The following CDK5RAP2 variants were observed in gnomAD, a reference collection of about 807,000 sequenced individuals.
CDK5RAP2 encodes the protein CDK5 regulatory subunit associated protein 2, also known as CDK5 regulatory subunit-associated protein 2.
In CDK5RAP2, 147 loss-of-function variants were observed where a neutral mutation model predicts 232.9. That is an observed-to-expected ratio of 0.63 (90% CI 0.55 to 0.72). The LOEUF (loss-of-function observed/expected upper bound fraction) is 0.72. CDK5RAP2 is among the 30% of genes least tolerant of loss of function. The pLI is 0.00. For missense variants in CDK5RAP2, 2,195 were observed against 2,231.5 expected, an observed-to-expected ratio of 0.98 and a Z score of 0.33; for synonymous variants, 833 against 833.7, an observed-to-expected ratio of 1.00 and a Z score of 0.01.
Position 120,455,657 on chromosome 9 carries a change from G to A in CDK5RAP2, c.2376-1784C>T, listed in dbSNP as rs114245635. ...ACTCGGGAGGCTGAGGTGGGAGGAC[G>A]GCTTGAACCCAGGAGGCTGCAGTGA... On this transcript the variant is annotated intron_variant, in intron 20 of 37. Transcript: ENST00000349780. 7.3e-3 allele frequency among the ~76,000 whole-genome samples: 1,106 copies of A among 151,868 alleles called. 16 individuals carry two copies. Among genetic ancestry groups the A allele is most frequent in the African/African-American group, 0.024 (975 of 41,382 alleles).
At position 120,448,201 on chromosome 9, in the gene CDK5RAP2, C is replaced by T. The variant is rs79556930; in HGVS notation, c.2794-75G>A. On this transcript the variant is annotated intron_variant, in intron 21 of 37. Coordinates refer to ENST00000349780, the MANE Select transcript of CDK5RAP2 (RefSeq NM_018249.6). ...TGGTTGCACAGTCAACATTCTCATG[C>T]CAGCCTTATAAAACGGAATTCGAAC... is the stretch of plus-strand genomic sequence containing the variant. 7.8e-5 allele frequency: 98 copies of T among 1,258,644 alleles called. No homozygotes were observed. In the African/African-American group the frequency reaches 1.4e-3, roughly 18 times the overall value. The allele number at this position is 1,258,644 out of a possible 1,614,324, so 78.0% of individuals were successfully genotyped here. A position where few individuals can be genotyped will look rare whatever the true frequency, so the allele number is the denominator to read the frequency against.
intron 12 of CDK5RAP2, chr9:120,517,644 G>C (rs1392740591): frequency 2.6e-5 from 4 of 154,132 alleles, no homozygotes; most frequent in Admixed American, 6.4e-5. Flanking sequence ...ATAGAGTACA[G>C]TCATAAAAAA....
chr9:120,449,712 CT>C (rs1172676953), intron 21 of CDK5RAP2, among the ~76,000 whole-genome samples: 1 of 152,174 alleles, frequency 6.6e-6, no homozygotes. Flanking sequence ...AGCAAAAACT[CT>C]GATAGTCACT....
At chr9:120,499,054 G>A (rs1176474828) in intron 12 of CDK5RAP2, among the ~76,000 whole-genome samples, 3 of 152,138 alleles carry the variant, frequency 2.0e-5, no homozygotes, top group Non-Finnish European at 4.4e-5. Context: ...CTTGGATCAT[G>A]ATTTAAACAA....
intron 2 of CDK5RAP2, among the ~76,000 whole-genome samples, chr9:120,569,920 A>G (rs534193536): frequency 1.5e-4 from 23 of 152,126 alleles, no homozygotes; most frequent in Non-Finnish European, 2.6e-4. Flanking sequence ...TCTGATTCCG[A>G]TACTTTAAAA....
chr9:120,443,570 G>T lies in CDK5RAP2; in HGVS notation c.3148+50C>A, dbSNP rs1416955701. On this transcript the variant is annotated intron_variant, in intron 23 of 37. Coordinates refer to ENST00000349780, the MANE Select transcript of CDK5RAP2 (RefSeq NM_018249.6). The stretch of plus-strand genomic sequence containing the variant: ...AATTTTTAGATAAAACATCCAAATG[G>T]TGCCTGGCACATGGAAGCTGTTCAA... 2.5e-6 allele frequency: 4 copies of T among 1,601,584 alleles called. No individual in the cohort carries two copies. In the South Asian group the frequency reaches 3.3e-5, roughly 13 times the overall value.
In CDK5RAP2 at chr9:120,476,211, A is replaced by G. The variant is rs146534729; in HGVS notation, c.1727+1139T>C. ...TTTCATTATAGAAAATTTTAGACATATACAAAAGGAAAAAAAAAAAACTAC... is the reference window on the plus strand; with the variant it reads ...TTTCATTATAGAAAATTTTAGACATGTACAAAAGGAAAAAAAAAAAACTAC... On this transcript the variant is annotated intron_variant, in intron 15 of 37. Transcript: ENST00000349780. Among the ~76,000 whole-genome samples, 295 of 151,708 alleles carry G rather than the reference A, an allele frequency of 1.9e-3. 1 individual carries two copies. The highest frequency in any genetic ancestry group is 0.017 in the Middle Eastern group (5 of 292).
At chr9:120,524,460 G>A (rs2040810034) in intron 11 of CDK5RAP2, among the ~76,000 whole-genome samples, 1 of 152,124 alleles carries the variant, frequency 6.6e-6, no homozygotes, top group African/African-American at 2.4e-5. Flanking sequence ...GGCCAACATG[G>A]TGAAACCCCG....
At chr9:120,425,475 A>G (rs538882379) in intron 25 of CDK5RAP2, among the ~76,000 whole-genome samples, 1 of 152,334 alleles carries the variant, frequency 6.6e-6, no homozygotes, top group Admixed American at 6.5e-5. Context: ...AGAGATGTGT[A>G]GTGTGAGACA....
chr9:120,411,059 A>G (rs1020025761), intron 29 of CDK5RAP2, among the ~76,000 whole-genome samples: 2 of 152,184 alleles, frequency 1.3e-5, no homozygotes, highest in Admixed American at 6.5e-5. Context: ...AGGGGAGATG[A>G]GTGACAAGCA....
chr9:120,399,201 T>A (rs2032777298), intron 35 of CDK5RAP2, among the ~76,000 whole-genome samples: 1 of 152,208 alleles, frequency 6.6e-6, no homozygotes, highest in South Asian at 2.1e-4. Flanking sequence ...TATAACTTTT[T>A]TTGTGTGTAT....
rs2041076746 is a variant in CDK5RAP2 at position 120,530,006 on chromosome 9, G to T, written c.797C>A (p.Pro266Gln). The change falls in exon 8 of 38, where the codon CCA becomes CAA. Residue 266 changes from proline (P) to glutamine (Q), a missense_variant. Physicochemically the swap from Pro to Gln is moderately conservative, Grantham distance 76 (BLOSUM62 -1). Transcript: ENST00000349780. ...AGTTTCTCTCTCCTTTTCTTCCCTT[G>T]GAGCAGCACAAAGTCCTCGGAGCTC... ...SGELRGLCAA[P>Q]REEKERETEA... 1 of 1,613,726 alleles carries T rather than the reference G, an allele frequency of 6.2e-7. No homozygotes were observed. Among genetic ancestry groups the T allele is most frequent in the Non-Finnish European group, 8.5e-7 (1 of 1,179,900 alleles).
rs561272782 is a variant in CDK5RAP2 at position 120,433,371 on chromosome 9, G to A, written c.3955+3924C>T. Among the ~76,000 whole-genome samples the A allele has an allele frequency of 1.4e-4, 22 of 152,276 alleles. No homozygotes were observed. The South Asian group carries it at 2.7e-3, about 19-fold the overall frequency. ...ACAAATACTAATAAGCACTCAGTAC[G>A]TAAGAACCATGCACCCAGCACTGAG... On this transcript the variant is annotated intron_variant, in intron 25 of 37. Transcript: ENST00000349780.
chr9:120,408,442 T>TGC lies in CDK5RAP2; in HGVS notation c.4629_4630dup (p.Gln1544ArgfsTer19), dbSNP rs1564179279. 2 of 1,614,112 alleles carry TGC rather than the reference T, an allele frequency of 1.2e-6. No homozygotes were observed. Among genetic ancestry groups the TGC allele is most frequent in the South Asian group, 2.2e-5 (2 of 91,082 alleles). ...CTTGTCATTCTGTGAGAGCAGCTGC[T>TGC]GCCTCAACTTCACCTCCTCCTGCAC... On this transcript the variant is annotated frameshift_variant, in exon 31 of 38. Coordinates refer to ENST00000349780, the MANE Select transcript of CDK5RAP2 (RefSeq NM_018249.6). LOFTEE classifies it high-confidence loss of function.
chr9:120,456,886 A>T (rs2036810462), intron 20 of CDK5RAP2, among the ~76,000 whole-genome samples: 1 of 152,226 alleles, frequency 6.6e-6, no homozygotes, highest in South Asian at 2.1e-4. Flanking sequence ...AAATACTTCA[A>T]GTGTTATTTT....
At position 120,539,022 on chromosome 9, in the gene CDK5RAP2, T is replaced by C; in HGVS notation, c.507+19A>G. ...ACCCACTATAAGAAATACACTGCCCTCAGGATTTCCAGACTTGCCTTTTCC... is the reference window on the plus strand; with the variant it reads ...ACCCACTATAAGAAATACACTGCCCCCAGGATTTCCAGACTTGCCTTTTCC... On this transcript the variant is annotated intron_variant, in intron 6 of 37. Coordinates refer to ENST00000349780, the MANE Select transcript of CDK5RAP2 (RefSeq NM_018249.6). 6.2e-7 allele frequency: 1 copy of C among 1,613,466 alleles called. No homozygotes were observed. Among genetic ancestry groups the C allele is most frequent in the African/African-American group, 1.3e-5 (1 of 75,056 alleles).
chr9:120,425,131 C>T (rs755051705), intron 25 of CDK5RAP2, among the ~76,000 whole-genome samples: 2 of 152,210 alleles, frequency 1.3e-5, no homozygotes, highest in Non-Finnish European at 2.9e-5. Context: ...CCATTCCTAA[C>T]CAAACTCATG....
intron 3 of CDK5RAP2, among the ~76,000 whole-genome samples, chr9:120,564,250 A>G (rs2042563866): frequency 6.6e-6 from 1 of 152,094 alleles, no homozygotes; most frequent in Non-Finnish European, 1.5e-5. Flanking sequence ...GGCGGATCAC[A>G]AGGTCAGGAG....
intron 2 of CDK5RAP2, among the ~76,000 whole-genome samples, chr9:120,570,472 A>AC (rs2042812818): frequency 6.6e-6 from 1 of 152,162 alleles, no homozygotes; most frequent in Non-Finnish European, 1.5e-5. Flanking sequence ...CTTAACAGTA[A>AC]CCACATTTGA....
Sources: gnomAD v4.1 joint callset for allele counts (sites outside exome capture counted in the v4.1 genomes callset) on GRCh38, gnomAD v4.1.1 for gene constraint, MANE v1.5 for transcripts, NCBI Gene and HGNC (gene_info 2026-07-23, HGNC 2026-07-21) for gene names.